BRF1: variants seen among roughly 807,000 people sequenced by gnomAD.
BRF1 encodes transcription factor IIIB 90 kDa subunit.
Under a neutral mutation model 81.7 loss-of-function variants are expected in BRF1, and 59 were observed. The ratio of observed to expected loss-of-function variants is 0.72; its 90% confidence interval spans 0.59 to 0.90. BRF1 has a LOEUF of 0.90. Ranked by LOEUF, BRF1 falls within the 40% of genes least tolerant of loss-of-function variation. The probability of loss-of-function intolerance (pLI) is 0.00; values close to 1 mark genes in which losing one functional copy is unlikely to be tolerated. For synonymous variants in BRF1, 491 were observed against 395.6 expected (o/e 1.24, Z -2.86); for missense variants, 1,050 against 936.3 (o/e 1.12, Z -1.58).
intron 14 of BRF1, among the ~76,000 whole-genome samples, chr14:105,218,770 G>T (rs1250767626): frequency 6.6e-6 from 1 of 151,994 alleles, no homozygotes; most frequent in Non-Finnish European, 1.5e-5. Context: ...CCCCAAAGCT[G>T]AGCACACGCC....
chr14:105,226,892 T>C, intron 7 of BRF1, 132 bp from the exon 8 acceptor site: 3 of 1,371,950 alleles, frequency 2.2e-6, no homozygotes, highest in East Asian at 2.4e-5. Flanking sequence ...GTGGATTGCT[T>C]GAGTCCAAGA....
At chr14:105,211,717 T>A in intron 16 of BRF1, 1 of 340,158 alleles carries the variant, frequency 2.9e-6, no homozygotes, top group Non-Finnish European at 5.5e-6. Flanking sequence ...ACCTTCACCC[T>A]CGTTTCCTGG....
intron 5 of BRF1, among the ~76,000 whole-genome samples, chr14:105,245,927 A>C (rs1318225118): frequency 6.6e-6 from 1 of 152,204 alleles, no homozygotes; most frequent in African/African-American, 2.4e-5. Flanking sequence ...AAATGGGATG[A>C]CCTCAAACTA....
chr14:105,303,865 A>T (rs1485882029), upstream of BRF1, among the ~76,000 whole-genome samples: 3 of 152,226 alleles, frequency 2.0e-5, no homozygotes, highest in African/African-American at 4.8e-5. Flanking sequence ...TAGCTTGCAG[A>T]CACTGTTGTC....
intron 5 of BRF1, chr14:105,250,689 G>A (rs1171836560): frequency 6.3e-7 from 1 of 1,594,634 alleles, no homozygotes; most frequent in Admixed American, 1.7e-5. Context: ...CGGGGAGGCT[G>A]CAGCAGGTCA....
chr14:105,257,839 G>A (rs587707124), intron 3 of BRF1, among the ~76,000 whole-genome samples: 10 of 152,300 alleles, frequency 6.6e-5, no homozygotes, highest in African/African-American at 1.9e-4. Context: ...TTCCGGAAAA[G>A]GCAAAACTAT....
Position 105,300,551 on chromosome 14 carries a change from C to A in BRF1, c.79G>T (p.Ala27Ser). 2 of 1,506,418 alleles carry A rather than the reference C, an allele frequency of 1.3e-6. No homozygotes were observed. The highest frequency in any genetic ancestry group is 8.8e-7 in the Non-Finnish European group (1 of 1,131,240). 93.3% of individuals were successfully genotyped at this position (1,506,418 alleles called of 1,614,324 possible). ...TTGTCCTCCAGCACTGAGCCGCAGG[C>A]GGTGCACACCGCGTCCCCGCGCGCC... Reference protein sequence around the residue: ...DAARGDAVCTACGSVLEDNII... With the variant: ...DAARGDAVCTSCGSVLEDNII... Residue 27 changes from alanine (A) to serine (S), a missense_variant, in exon 1 of 18, where the codon GCC becomes TCC. Around this residue, in one of 2 missense-constraint regions of BRF1, gnomAD observed 1,043 missense variants for 915.4 expected, o/e 1.14. Coordinates refer to ENST00000547530, the MANE Select transcript of BRF1 (RefSeq NM_001519.4).
At chr14:105,263,337 G>A (rs1418651675) in intron 3 of BRF1, among the ~76,000 whole-genome samples, 10 of 151,836 alleles carry the variant, frequency 6.6e-5, no homozygotes, top group South Asian at 2.1e-4. Flanking sequence ...AGCCAGACAC[G>A]AGGGGCCAAG....
chr14:105,261,857 A>T (rs1360086348), intron 3 of BRF1, among the ~76,000 whole-genome samples: 1 of 152,182 alleles, frequency 6.6e-6, no homozygotes, highest in Non-Finnish European at 1.5e-5. Context: ...AGCGAAACCC[A>T]CACCTTCTGG....
Position 105,211,293 on chromosome 14 carries a change from C to G in BRF1, c.1825G>C (p.Ala609Pro), listed in dbSNP as rs1163897489. 1.9e-6 allele frequency: 3 copies of G among 1,591,484 alleles called. No homozygotes were observed. Among genetic ancestry groups the G allele is most frequent in the Non-Finnish European group, 2.6e-6 (3 of 1,168,440 alleles). Residue 609 changes from alanine (A) to proline (P), a missense_variant and splice_region_variant, in exon 17 of 18, where the codon GCT (alanine) becomes CCT (proline). By Grantham distance (27) the Ala-to-Pro change is conservative. Around this residue, in one of 2 missense-constraint regions of BRF1, gnomAD observed 1,043 missense variants for 915.4 expected, o/e 1.14. Transcript: ENST00000547530. The stretch of plus-strand genomic sequence containing the variant: ...AGGGTGGGAGAGCTTGGGAGCAAAG[C>G]CTGGAACGAAGTGGGGCTCTGACAC... ...QPAKKVATGE[A>P]LLPSSPTLGA...
intron 5 of BRF1, chr14:105,242,650 G>C (rs1489251493): frequency 7.0e-6 from 1 of 143,008 alleles, no homozygotes; most frequent in Non-Finnish European, 1.5e-5. Context: ...CTGGAGAATT[G>C]CTTGAACCAG....
At chr14:105,245,695 A>G (rs1377368812) in intron 5 of BRF1, among the ~76,000 whole-genome samples, 5 of 152,168 alleles carry the variant, frequency 3.3e-5, no homozygotes, top group Non-Finnish European at 4.4e-5. Context: ...TCTCTTCAAT[A>G]TGCAGCGCTG....
At position 105,284,695 on chromosome 14, in the gene BRF1, C is replaced by T. The variant is rs149855747; in HGVS notation, c.265+1601G>A. On this transcript the variant is annotated intron_variant, in intron 2 of 17. Transcript: ENST00000547530. This position sits in a 1 kb window ranked among gnomAD's most constrained non-coding sequence, Gnocchi z 4.0. ...AAGTATCCCTGCCTGGACTGACCCACGGCCAACCCACACTCAATGGTGAAG... is the reference window on the plus strand; with the variant it reads ...AAGTATCCCTGCCTGGACTGACCCATGGCCAACCCACACTCAATGGTGAAG... Among the ~76,000 whole-genome samples, 15 of 152,274 alleles carry T rather than the reference C, an allele frequency of 9.9e-5. No homozygotes were observed. In the East Asian group the frequency reaches 1.2e-3, roughly 12 times the overall value.
chr14:105,305,646 G>A (rs587605493), upstream of BRF1, among the ~76,000 whole-genome samples: 3 of 152,342 alleles, frequency 2.0e-5, no homozygotes, highest in African/African-American at 7.2e-5. Flanking sequence ...CACGTGATGT[G>A]AAGGCATAAA....
rs149448745 is a variant in BRF1, at chr14:105,243,321, G to A, written c.545-1907C>T. Among the ~76,000 whole-genome samples the A allele has an allele frequency of 6.1e-4, 92 of 151,100 alleles. 2 individuals are homozygous for A. The East Asian group carries it at 0.014, about 23-fold the overall frequency. ...AAAAATTAGCCGGGTGTGGTGGCGG[G>A]CACCTATAGTCCCAGATACTTGAAA... On this transcript the variant is annotated intron_variant, in intron 5 of 17. Coordinates refer to ENST00000547530, the MANE Select transcript of BRF1 (RefSeq NM_001519.4).
At chr14:105,303,425 A>C (rs2058093494), upstream of BRF1, among the ~76,000 whole-genome samples, 1 of 151,200 alleles carries the variant, frequency 6.6e-6, no homozygotes, top group Non-Finnish European at 1.5e-5. Flanking sequence ...TTGTATTTTT[A>C]GTAGAGACAG....
At chr14:105,247,528 C>T in intron 5 of BRF1, 1 of 985,374 alleles carries the variant, frequency 1.0e-6, no homozygotes, top group Non-Finnish European at 1.2e-6. Flanking sequence ...GTTGAAAATA[C>T]CGCAAATATC....
At chr14:105,245,779 C>T (rs1309379994) in intron 5 of BRF1, among the ~76,000 whole-genome samples, 2 of 151,050 alleles carry the variant, frequency 1.3e-5, no homozygotes, top group Non-Finnish European at 2.9e-5. Flanking sequence ...AACTCAAAAC[C>T]GATGCAAGAC....
chr14:105,315,127 G>T lies in BRF1; in HGVS notation c.-162+195C>A. The stretch of plus-strand genomic sequence containing the variant: ...TCTGCGCGCCCCATCCCCGGCCCGG[G>T]TCCCCCAGCGGAGCCCAGGTCGCCC... On this transcript the variant is annotated intron_variant, in intron 1 of 17. Coordinates refer to the BRF1 transcript ENST00000327359. The surrounding 1 kb of genome is among the most constrained non-coding windows in gnomAD (Gnocchi z 4.4). 1 of 823,446 alleles carries T rather than the reference G, an allele frequency of 1.2e-6. No homozygotes were observed. Among genetic ancestry groups the T allele is most frequent in the African/African-American group, 1.9e-5 (1 of 53,826 alleles). 51.0% of individuals were successfully genotyped at this position (823,446 alleles called of 1,614,324 possible). A position where few individuals can be genotyped will look rare whatever the true frequency, so the allele number is the denominator to read the frequency against.
Sources: gnomAD v4.1 joint callset for allele counts (sites outside exome capture counted in the v4.1 genomes callset) on GRCh38, gnomAD v4.1.1 for gene constraint, gnomAD v4.1.1 regional missense constraint, Gnocchi (gnomAD v3.1) non-coding constraint, MANE v1.5 for transcripts, NCBI Gene and HGNC (gene_info 2026-07-23, HGNC 2026-07-21) for gene names.